The following LRP2 variants were observed in gnomAD, a reference collection of about 807,000 sequenced individuals.
LRP2 encodes the protein low-density lipoprotein receptor-related protein 2.
In LRP2, 172 loss-of-function variants were observed where a neutral mutation model predicts 531.0. That is an observed-to-expected ratio of 0.32 (90% confidence interval 0.29 to 0.37). The LOEUF is 0.37. LRP2 is among the 10% of genes least tolerant of loss of function. The pLI is 1.00. For synonymous variants in LRP2, 1,992 were observed against 2,027.6 expected (o/e 0.98, Z 0.47); for missense variants, 5,167 against 5,868.3 (o/e 0.88, Z 3.90).
Position 169,294,702 on chromosome 2 carries a change from T to A in LRP2, c.436A>T (p.Thr146Ser), listed in dbSNP as rs1252716956. ...TTGTCACAAGTAAGCTGCTCACATG[T>A]TGGGTACTCTATTGTAAAAAAAAAA... ...GADENDCQYP[T>S]CEQLTCDNGA... The change falls in exon 5 of 79, where the codon ACA (threonine) becomes TCA (serine). Residue 146 changes from threonine (T) to serine (S), a missense_variant. Transcript: ENST00000649046. 4 of 1,451,334 alleles carry A rather than the reference T, an allele frequency of 2.8e-6. No homozygotes were observed. The East Asian group carries it at 9.2e-5, about 33-fold the overall frequency. 89.9% of individuals were successfully genotyped at this position (1,451,334 alleles called of 1,614,324 possible). A position where few individuals can be genotyped will look rare whatever the true frequency, so the allele number is the denominator to read the frequency against.
chr2:169,164,535 A>AGAG (rs1686713460), intron 62 of LRP2, among the ~76,000 whole-genome samples: 1 of 152,240 alleles, frequency 6.6e-6, no homozygotes. Context: ...ACTATGAGCA[A>AGAG]GAGGATGTCT....
chr2:169,269,839 T>A (rs1320419427), intron 16 of LRP2, among the ~76,000 whole-genome samples: 1 of 151,798 alleles, frequency 6.6e-6, no homozygotes, highest in Non-Finnish European at 1.5e-5. Context: ...TAGGAGAAAA[T>A]TTTTACAATC....
intron 33 of LRP2, among the ~76,000 whole-genome samples, chr2:169,223,565 T>C (rs1158644378): frequency 6.6e-6 from 1 of 152,134 alleles, no homozygotes; most frequent in Non-Finnish European, 1.5e-5. Context: ...GAAAAATATT[T>C]TCTGCCACTG....
chr2:169,265,605 C>T (rs1690767314), intron 16 of LRP2, among the ~76,000 whole-genome samples: 1 of 151,998 alleles, frequency 6.6e-6, no homozygotes, highest in South Asian at 2.1e-4. Flanking sequence ...TATTAGACGT[C>T]ACTAGAGCAA....
chr2:169,198,829 G>T lies in LRP2; in HGVS notation c.8535C>A (p.Asp2845Glu). Residue 2845 changes from aspartate to glutamate, a missense_variant, in exon 45 of 79, where the codon GAC becomes GAA. Asp to Glu is a conservative substitution (Grantham distance 45). This residue lies in a region of LRP2 where 1,129 missense variants were observed against 1,362.7 expected (regional missense o/e 0.83). Coordinates refer to ENST00000649046, the MANE Select transcript of LRP2 (RefSeq NM_004525.3). ...CATCACTGTTATCTCCACAGTCATTGTCTCCGTCACACAAATAAACGCGAG... is the reference window on the plus strand; with the variant it reads ...CATCACTGTTATCTCCACAGTCATTTTCTCCGTCACACAAATAAACGCGAG... Reference protein sequence around the residue: ...CIPRVYLCDGDNDCGDNSDEN... With the variant: ...CIPRVYLCDGENDCGDNSDEN... 6.2e-7 allele frequency: 1 copy of T among 1,613,984 alleles called. No individual in the cohort carries two copies.
rs1690022607 is a variant in LRP2 at position 169,246,786 on chromosome 2, T to G, written c.3109A>C (p.Arg1037=). 3 of 1,614,236 alleles carry G rather than the reference T, an allele frequency of 1.9e-6. No homozygotes were observed. The East Asian group carries it at 6.7e-5, about 36-fold the overall frequency. The change falls in exon 21 of 79, where the codon AGA becomes CGA. Residue 1037 remains arginine, a synonymous_variant. Transcript: ENST00000649046. Reference sequence around the variant, plus strand: ...CAGAGATAGTAATTGGGCACACATCTGCCATTTTTACAGGGGAAGGAAAAT... The same window carrying G: ...CAGAGATAGTAATTGGGCACACATCGGCCATTTTTACAGGGGAAGGAAAAT... ...GLFSFPCKNG[R]CVPNYYLCDG...
At position 169,233,524 on chromosome 2, in the gene LRP2, G is replaced by C; in HGVS notation, c.4985C>G (p.Thr1662Ser). ...EDSVYWTDRATRRVMRANKWH... is the reference protein window; with the variant it reads ...EDSVYWTDRASRRVMRANKWH... ...CTTGTTGGCTCGCATAACCCGACGA[G>C]TAGCACGGTCAGTCCAGTACACAGA... Residue 1662 changes from threonine to serine, a missense_variant, in exon 30 of 79, where the codon ACT becomes AGT. Around this residue, in one of 6 missense-constraint regions of LRP2, gnomAD observed 2,811 missense variants for 3,058.0 expected, o/e 0.92. Coordinates refer to ENST00000649046, the MANE Select transcript of LRP2 (RefSeq NM_004525.3). 6.2e-7 allele frequency: 1 copy of C among 1,614,146 alleles called. No individual in the cohort carries two copies. Among genetic ancestry groups the C allele is most frequent in the Non-Finnish European group, 8.5e-7 (1 of 1,180,048 alleles).
intron 7 of LRP2, among the ~76,000 whole-genome samples, chr2:169,291,609 G>C (rs1467525893): frequency 6.6e-6 from 1 of 152,074 alleles, no homozygotes; most frequent in Admixed American, 6.6e-5. Context: ...AACATAAAAG[G>C]GTCAATATCA....
In LRP2 at chr2:169,188,072, G is replaced by A; in HGVS notation, c.9226C>T (p.Pro3076Ser). ...HLCHTPEPTC[P>S]PHEFKCDNGR... ...TTGTCACACTTGAACTCGTGAGGTG[G>A]ACACGTGGGTTCTGGGGTGTGGCAC... is the stretch of plus-strand genomic sequence containing the variant. The change falls in exon 49 of 79, where the codon CCA becomes TCA. Residue 3076 changes from proline to serine, a missense_variant. Coordinates refer to ENST00000649046, the MANE Select transcript of LRP2 (RefSeq NM_004525.3). The A allele has an allele frequency of 6.2e-7, 1 of 1,614,066 alleles. No individual in the cohort carries two copies. The highest frequency in any genetic ancestry group is 8.5e-7 in the Non-Finnish European group (1 of 1,180,000).
intron 16 of LRP2, among the ~76,000 whole-genome samples, chr2:169,266,530 C>G (rs188449788): frequency 6.6e-6 from 1 of 151,920 alleles, no homozygotes; most frequent in Admixed American, 6.6e-5. Context: ...ATATATGAAC[C>G]GCATATTTTT....
chr2:169,137,358 A>C (rs763589973), intron 76 of LRP2, 34 bp downstream of exon 76: 46 of 1,346,246 alleles, frequency 3.4e-5, no homozygotes, highest in Non-Finnish European at 2.4e-5. Flanking sequence ...CAGCGACAGC[A>C]GTAACTGAAA....
At position 169,226,499 on chromosome 2, in the gene LRP2, G is replaced by A; in HGVS notation, c.5317C>T (p.Pro1773Ser). The A allele has an allele frequency of 6.3e-7, 1 of 1,599,130 alleles. No homozygotes were observed. The highest frequency in any genetic ancestry group is 8.6e-7 in the Non-Finnish European group (1 of 1,166,464). ...AAACCATTCTGTATCCCTGCTATGG[G>A]GACCATAGCATCATTGCTCTTCACC... Reference protein sequence around the residue: ...PEVKSNDAMVPIAGIQNGLDV... With the variant: ...PEVKSNDAMVSIAGIQNGLDV... The change falls in exon 32 of 79, where the codon CCC becomes TCC. Residue 1773 changes from proline to serine, a missense_variant. By Grantham distance (74) the Pro-to-Ser change is moderately conservative. Transcript: ENST00000649046.
At position 169,132,796 on chromosome 2, in the gene LRP2, A is replaced by G. The variant is rs17848199; in HGVS notation, c.13621-115T>C. The G allele has an allele frequency of 3.1e-4, 222 of 705,558 alleles. 3 individuals are homozygous for G. The East Asian group carries it at 6.0e-3, about 19-fold the overall frequency. 43.7% of individuals were successfully genotyped at this position (705,558 alleles called of 1,614,324 possible). On this transcript the variant is annotated intron_variant, in intron 76 of 78. Transcript: ENST00000649046. Reference sequence around the variant, plus strand: ...TTTGCCATCTTGTTCTCCCACAGACATCATCAGGCACCATTTTTATTGCAT... The same window carrying G: ...TTTGCCATCTTGTTCTCCCACAGACGTCATCAGGCACCATTTTTATTGCAT...
intron 68 of LRP2, among the ~76,000 whole-genome samples, chr2:169,148,151 T>G (rs1039976880): frequency 2.0e-5 from 3 of 152,190 alleles, no homozygotes; most frequent in African/African-American, 7.2e-5. Flanking sequence ...TCTCAACAAC[T>G]GGTAAATACC....
chr2:169,181,988 T>C (rs558842677), intron 51 of LRP2, among the ~76,000 whole-genome samples, 179 bp downstream of exon 51: 5 of 152,156 alleles, frequency 3.3e-5, no homozygotes, highest in South Asian at 2.1e-4. Context: ...GAGCTGATGA[T>C]GATGATTTGA....
intron 35 of LRP2, among the ~76,000 whole-genome samples, chr2:169,215,648 C>A (rs1015220794): frequency 1.3e-5 from 2 of 149,526 alleles, no homozygotes; most frequent in Admixed American, 1.3e-4. Context: ...TACCTATATC[C>A]TATACAGATA....
chr2:169,182,119 CAGA>C (rs779299977), intron 51 of LRP2, 45 bp downstream of exon 51: 9 of 1,609,770 alleles, frequency 5.6e-6, no homozygotes, highest in African/African-American at 1.3e-5. Flanking sequence ...GTAACAGAGG[CAGA>C]AGAAGGAGGT....
At position 169,357,381 on chromosome 2, in the gene LRP2, G is replaced by C. The variant is rs534880952; in HGVS notation, c.79+4940C>G. Among the ~76,000 whole-genome samples, 5 of 147,442 alleles carry C rather than the reference G, an allele frequency of 3.4e-5. No homozygotes were observed. In the South Asian group the frequency reaches 1.1e-3, roughly 32 times the overall value. ...GATTCTTGCTCTGTCACCCAGGCTG[G>C]AGTGCAGTGGCACAATCTCAGCTCA... On this transcript the variant is annotated intron_variant, in intron 1 of 78. Transcript: ENST00000649046.
chr2:169,323,485 T>C (rs1417393043), intron 1 of LRP2, among the ~76,000 whole-genome samples: 1 of 152,184 alleles, frequency 6.6e-6, no homozygotes, highest in Admixed American at 6.5e-5. Context: ...TTAGGTCTAA[T>C]AACAATTGCA....
Sources: gnomAD v4.1 joint callset for allele counts (sites outside exome capture counted in the v4.1 genomes callset) on GRCh38, gnomAD v4.1.1 for gene constraint, gnomAD v4.1.1 regional missense constraint, MANE v1.5 for transcripts, NCBI Gene and HGNC (gene_info 2026-07-23, HGNC 2026-07-21) for gene names.